Variants in FBXW4 observed in about 807,000 individuals in gnomAD.
The protein encoded by FBXW4 is F-box/WD repeat-containing protein 4.
A neutral mutation model predicts 61.8 loss-of-function variants in FBXW4; 40 were observed. The ratio of observed to expected loss-of-function variants is 0.65; its 90% CI spans 0.50 to 0.84. The LOEUF is 0.84. Ranked by LOEUF, FBXW4 falls within the 40% of genes least tolerant of loss-of-function variation. The pLI is 0.00. For missense variants in FBXW4, 672 were observed against 753.8 expected, an observed-to-expected ratio of 0.89 and a Z score of 1.27; for synonymous variants, 311 against 313.8, an observed-to-expected ratio of 0.99 and a Z score of 0.10.
At chr10:101,680,547 G>A (rs1006560983) in intron 1 of FBXW4, among the ~76,000 whole-genome samples, 21 of 152,236 alleles carry the variant, frequency 1.4e-4, no homozygotes, top group African/African-American at 4.1e-4. Context: ...CAGAGGATAA[G>A]GACAGTCACA....
chr10:101,676,379 C>T lies in FBXW4; in HGVS notation c.783G>A (p.Gly261=), dbSNP rs2064408299. The change falls in exon 2 of 9, where the codon GGG becomes GGA. Residue 261 remains glycine, a synonymous_variant. Transcript: ENST00000331272. ...TCAGCAGAATCCCCTCTCGGCAGCG[C>T]CCCAGTCTCCAGTTCTGAGACACCT... ...RVKVSQNWRL[G]RCREGILLKW... 1.9e-6 allele frequency: 3 copies of T among 1,613,644 alleles called. No homozygotes were observed. The South Asian group carries it at 3.3e-5, about 18-fold the overall frequency.
chr10:101,638,940 T>C (rs1386214293), intron 5 of FBXW4, among the ~76,000 whole-genome samples: 4 of 152,196 alleles, frequency 2.6e-5, no homozygotes, highest in Admixed American at 2.6e-4. Context: ...TCATGAATTA[T>C]ACACAGTAGG....
Position 101,612,421 on chromosome 10 carries a change from T to C in FBXW4, c.1358A>G (p.Asp453Gly). ...SDFPPGAGVL[D>G]VMYESPFTLL... Reference sequence around the variant, plus strand: ...TGTGAAAGGGGACTCATACATGACATCCAGCACCCCAGCCCCTGGGGGAAA... The same window carrying C: ...TGTGAAAGGGGACTCATACATGACACCCAGCACCCCAGCCCCTGGGGGAAA... The change falls in exon 7 of 9, where the codon GAT (aspartate) becomes GGT (glycine). Residue 453 changes from aspartate to glycine, a missense_variant. Physicochemically the swap from Asp to Gly is moderately conservative, Grantham distance 94. This residue lies in a region of FBXW4 where 312 missense variants were observed against 370.1 expected (regional missense o/e 0.84). Transcript: ENST00000331272. The C allele has an allele frequency of 6.3e-7, 1 of 1,597,950 alleles. No individual in the cohort carries two copies. Among genetic ancestry groups the C allele is most frequent in the Non-Finnish European group, 8.5e-7 (1 of 1,171,816 alleles).
At chr10:101,615,755 G>A (rs1424347585) in intron 6 of FBXW4, among the ~76,000 whole-genome samples, 1 of 152,150 alleles carries the variant, frequency 6.6e-6, no homozygotes, top group Admixed American at 6.5e-5. Context: ...TGATGGTAGG[G>A]GCTGGCCCTA....
intron 5 of FBXW4, among the ~76,000 whole-genome samples, chr10:101,641,617 G>A (rs373958028): frequency 2.5e-4 from 32 of 126,756 alleles, no homozygotes; most frequent in African/African-American, 9.5e-4. Flanking sequence ...CATAGTGCAT[G>A]TAAGATTTTT....
chr10:101,632,942 C>T (rs748122954), intron 5 of FBXW4, among the ~76,000 whole-genome samples: 6 of 152,106 alleles, frequency 3.9e-5, no homozygotes, highest in Non-Finnish European at 8.8e-5. Flanking sequence ...ATCCAAAAGA[C>T]TCAACCAAAA....
In FBXW4 at chr10:101,694,676, G is replaced by C; in HGVS notation, c.430C>G (p.Gln144Glu). 7.2e-7 allele frequency: 1 copy of C among 1,398,032 alleles called. No individual in the cohort carries two copies. Among genetic ancestry groups the C allele is most frequent in the South Asian group, 1.6e-5 (1 of 62,822 alleles). The allele number at this position is 1,398,032 out of a possible 1,614,324, so 86.6% of individuals were successfully genotyped here. ...RPGRAQGRGG[Q>E]AWADIAGTGV... Reference sequence around the variant, plus strand: ...GTCCCCGCGATGTCGGCCCAAGCCTGACCCCCTCGTCCCTGTGCTCTTCCC... The same window carrying C: ...GTCCCCGCGATGTCGGCCCAAGCCTCACCCCCTCGTCCCTGTGCTCTTCCC... The change falls in exon 1 of 9, where the codon CAG (glutamine) becomes GAG (glutamate). Residue 144 changes from glutamine to glutamate, a missense_variant. Coordinates refer to ENST00000331272, the MANE Select transcript of FBXW4 (RefSeq NM_022039.4). The surrounding 1 kb of genome is among the most constrained non-coding windows in gnomAD (Gnocchi z 6.0).
At chr10:101,652,872 C>T (rs1188878646) in intron 5 of FBXW4, among the ~76,000 whole-genome samples, 1 of 152,186 alleles carries the variant, frequency 6.6e-6, no homozygotes, top group East Asian at 1.9e-4. Context: ...TTCCTTCTGC[C>T]TCTGATTGGA....
chr10:101,624,650 C>A, intron 6 of FBXW4, 95 bp downstream of exon 6: 2 of 1,371,066 alleles, frequency 1.5e-6, no homozygotes, highest in Admixed American at 1.7e-5. Context: ...CCAGCCTTCT[C>A]CTGGACCACT....
intron 5 of FBXW4, among the ~76,000 whole-genome samples, chr10:101,650,294 T>C (rs1457701383): frequency 6.6e-6 from 1 of 152,174 alleles, no homozygotes; most frequent in Non-Finnish European, 1.5e-5. Flanking sequence ...TGAGCATTTG[T>C]GATTTCCTGA....
At chr10:101,629,964 C>T (rs1051031393) in intron 5 of FBXW4, among the ~76,000 whole-genome samples, 2 of 152,176 alleles carry the variant, frequency 1.3e-5, no homozygotes, top group South Asian at 2.1e-4. Flanking sequence ...GGCCTAGAGC[C>T]GCCCAGCTGG....
chr10:101,684,426 T>C (rs187834773), intron 1 of FBXW4, among the ~76,000 whole-genome samples: 10 of 152,262 alleles, frequency 6.6e-5, no homozygotes, highest in Non-Finnish European at 1.3e-4. Context: ...GCGCCTGGCC[T>C]ACCCAGCTAA....
chr10:101,637,174 G>C (rs2064010261), intron 5 of FBXW4, among the ~76,000 whole-genome samples: 1 of 144,020 alleles, frequency 6.9e-6, no homozygotes, highest in Non-Finnish European at 1.5e-5. Context: ...ACGAGGTCAG[G>C]AGATCAAGAC....
chr10:101,635,764 C>A (rs977099933), intron 5 of FBXW4, among the ~76,000 whole-genome samples: 4 of 151,222 alleles, frequency 2.6e-5, no homozygotes, highest in Non-Finnish European at 5.9e-5. Context: ...TCCCTTGAGC[C>A]CAGGAGGTCA....
chr10:101,630,356 CTG>C (rs947676475), intron 5 of FBXW4, among the ~76,000 whole-genome samples: 1 of 152,154 alleles, frequency 6.6e-6, no homozygotes, highest in Non-Finnish European at 1.5e-5. Flanking sequence ...TTGTGAAACA[CTG>C]ATATTATAGC....
Position 101,673,165 on chromosome 10 carries a change from C to T in FBXW4, c.1008-118G>A, listed in dbSNP as rs2064374609. On this transcript the variant is annotated intron_variant, in intron 3 of 8. Coordinates refer to ENST00000331272, the MANE Select transcript of FBXW4 (RefSeq NM_022039.4). Reference sequence around the variant, plus strand: ...ACATCCAAATTTGCTAAGCATTAGACAATTCAGCCCAGTAAGGTGCTGACT... The same window carrying T: ...ACATCCAAATTTGCTAAGCATTAGATAATTCAGCCCAGTAAGGTGCTGACT... The T allele has an allele frequency of 5.3e-5, 67 of 1,273,114 alleles. No individual in the cohort carries two copies. The South Asian group carries it at 9.0e-4, about 17-fold the overall frequency. 78.9% of individuals were successfully genotyped at this position (1,273,114 alleles called of 1,614,324 possible).
Position 101,690,198 on chromosome 10 carries a change from T to C in FBXW4, c.725+4183A>G, listed in dbSNP as rs1028237359. 7.2e-5 allele frequency among the ~76,000 whole-genome samples: 11 copies of C among 152,350 alleles called. No homozygotes were observed. In the East Asian group the frequency reaches 2.1e-3, roughly 29 times the overall value. ...TCAGAATTTGCAGATAGCGCTCCTG[T>C]TCTTCCCCTGTCATAATGTCTACTT... On this transcript the variant is annotated intron_variant, in intron 1 of 8. Transcript: ENST00000331272.
At chr10:101,661,787 A>G (rs1297498075) in intron 5 of FBXW4, among the ~76,000 whole-genome samples, 1 of 152,174 alleles carries the variant, frequency 6.6e-6, no homozygotes, top group Non-Finnish European at 1.5e-5. Context: ...GACCCAGAAG[A>G]AACTACCCAC....
intron 5 of FBXW4, among the ~76,000 whole-genome samples, chr10:101,655,011 G>A (rs1258557902): frequency 3.3e-5 from 5 of 152,094 alleles, no homozygotes; most frequent in Non-Finnish European, 7.4e-5. Flanking sequence ...AGATTTTTTT[G>A]TGGAAATGGG....
Sources: allele counts gnomAD v4.1 joint callset (sites outside exome capture counted in the v4.1 genomes callset), GRCh38; gene constraint gnomAD v4.1.1; regional missense constraint gnomAD v4.1.1; non-coding constraint Gnocchi (gnomAD v3.1); transcripts MANE v1.5; gene names NCBI Gene and HGNC (gene_info 2026-07-23, HGNC 2026-07-21).